The following C4orf33 variants were observed in gnomAD, a reference collection of about 807,000 sequenced individuals.
C4orf33 encodes the protein UPF0462 protein C4orf33.
Under a neutral mutation model 24.3 loss-of-function variants are expected in C4orf33, and 20 were observed. That is an observed-to-expected ratio of 0.82 (90% CI 0.58 to 1.19). The LOEUF (loss-of-function observed/expected upper bound fraction) is 1.19, where lower values mean the gene tolerates loss of function less well. Among genes scored for constraint, C4orf33 ranks in the 50% most tolerant of loss-of-function variants. The pLI, the probability that C4orf33 is intolerant of heterozygous loss-of-function variation, is 0.00. For missense variants in C4orf33, 207 were observed against 225.9 expected (o/e 0.92, Z 0.54); for synonymous variants, 67 against 76.4 (o/e 0.88, Z 0.64).
At position 129,109,514 on chromosome 4, in the gene C4orf33, A is replaced by C. The variant is rs879084754; in HGVS notation, c.336A>C (p.Thr112=). ...PLSFRMSRGE[T]KWEGKAYLPW... ...CGTTCAGAATGTCCAGAGGAGAGAC[A>C]AAATGGGAAGGCAAAGCTTATCTCC... Residue 112 remains threonine (T), a synonymous_variant, in exon 5 of 6, where the codon ACA becomes ACC. Coordinates refer to ENST00000425929, the MANE Select transcript of C4orf33 (RefSeq NM_001099783.2). The C allele has an allele frequency of 1.2e-6, 2 of 1,613,900 alleles. No homozygotes were observed. Among genetic ancestry groups the C allele is most frequent in the South Asian group, 1.1e-5 (1 of 91,072 alleles).
chr4:129,107,374 T>C (rs1753549804), intron 3 of C4orf33, among the ~76,000 whole-genome samples: 2 of 151,998 alleles, frequency 1.3e-5, no homozygotes, highest in African/African-American at 4.8e-5. Flanking sequence ...TTAAAATTAA[T>C]AAAGTATTTA....
At chr4:129,109,735 G>T (rs1580017430) in intron 5 of C4orf33, 63 bp downstream of exon 5, 2 of 1,350,026 alleles carry the variant, frequency 1.5e-6, no homozygotes, top group Non-Finnish European at 2.1e-6. Flanking sequence ...TTAATTCTTA[G>T]TGGAGCAGAA....
intron 1 of C4orf33, among the ~76,000 whole-genome samples, chr4:129,101,161 G>A (rs572509149): frequency 6.6e-5 from 10 of 152,130 alleles, no homozygotes; most frequent in African/African-American, 2.2e-4. Flanking sequence ...TAAAATTTGC[G>A]AGCATATAGT....
In C4orf33 at chr4:129,112,355, A is replaced by G. The variant is rs1468256077; in HGVS notation, c.*564A>G. 6.6e-6 allele frequency: 1 copy of G among 152,254 alleles called. No homozygotes were observed. The highest frequency in any genetic ancestry group is 1.5e-5 in the Non-Finnish European group (1 of 68,040). 9.4% of individuals were successfully genotyped at this position (152,254 alleles called of 1,614,324 possible). ...GAATCTCAAAAACATTAAGTTGAGC[A>G]AAACAAACCAAACATAACATACTAT... On this transcript the variant is annotated 3_prime_UTR_variant, in exon 6 of 6. Transcript: ENST00000425929.
Position 129,111,721 on chromosome 4 carries a change from A to G in C4orf33, c.530A>G (p.Asn177Ser). ...CLEYFKSFNF[N>S]TLLGEEWKQP... ...GAATACTTCAAGTCTTTCAATTTTA[A>G]CACACTGCTTGGAGAAGAGTGGAAA... The change falls in exon 6 of 6, where the codon AAC becomes AGC. Residue 177 changes from asparagine to serine, a missense_variant. Transcript: ENST00000425929. 1 of 1,612,856 alleles carries G rather than the reference A, an allele frequency of 6.2e-7. No homozygotes were observed. Among genetic ancestry groups the G allele is most frequent in the Non-Finnish European group, 8.5e-7 (1 of 1,179,166 alleles).
Position 129,114,450 on chromosome 4 carries a change from C to T in C4orf33, c.*2659C>T, listed in dbSNP as rs1035808583. 6.6e-6 allele frequency: 1 copy of T among 152,306 alleles called. No homozygotes were observed. The highest frequency in any genetic ancestry group is 1.5e-5 in the Non-Finnish European group (1 of 68,118). 9.4% of individuals were successfully genotyped at this position (152,306 alleles called of 1,614,324 possible). On this transcript the variant is annotated 3_prime_UTR_variant, in exon 6 of 6. Coordinates refer to ENST00000425929, the MANE Select transcript of C4orf33 (RefSeq NM_001099783.2). ...TGCATTATCTTTCCTTCATTTCCATCATTTTCTGTTTTGCTCTTCCTGGTA... is the reference window on the plus strand; with the variant it reads ...TGCATTATCTTTCCTTCATTTCCATTATTTTCTGTTTTGCTCTTCCTGGTA...
In C4orf33 at chr4:129,099,553, C is replaced by A. The variant is rs1214274200; in HGVS notation, c.-9-3049C>A. Among the ~76,000 whole-genome samples the A allele has an allele frequency of 3.3e-5, 5 of 152,194 alleles. No individual in the cohort carries two copies. The East Asian group carries it at 9.6e-4, about 29-fold the overall frequency. ...ATAAATAGTAACCATCACTTATAGG[C>A]ATTCTAGCTGGGTTCAGGGAGTCAA... On this transcript the variant is annotated intron_variant, in intron 1 of 5. Coordinates refer to ENST00000425929, the MANE Select transcript of C4orf33 (RefSeq NM_001099783.2).
chr4:129,097,341 A>G (rs1753237392), intron 1 of C4orf33, among the ~76,000 whole-genome samples: 2 of 152,342 alleles, frequency 1.3e-5, no homozygotes, highest in South Asian at 4.1e-4. Context: ...GCAGGCAGAT[A>G]ATTCCCTTCA....
chr4:129,098,551 A>C (rs546218292), intron 1 of C4orf33, among the ~76,000 whole-genome samples: 1 of 152,354 alleles, frequency 6.6e-6, no homozygotes, highest in East Asian at 1.9e-4. Flanking sequence ...TTTCTCTACT[A>C]ATGCAGGGAA....
chr4:129,102,858 T>G (rs1753402129), intron 2 of C4orf33, 67 bp downstream of exon 2: 1 of 1,409,556 alleles, frequency 7.1e-7, no homozygotes, highest in Non-Finnish European at 9.7e-7. Context: ...ACAGAACTAT[T>G]ATTTTATCTT....
intron 1 of C4orf33, among the ~76,000 whole-genome samples, chr4:129,098,207 C>T (rs1018158761): frequency 3.3e-5 from 5 of 151,818 alleles, no homozygotes; most frequent in Admixed American, 2.0e-4. Context: ...TATATATGTG[C>T]GGGTTTGTCA....
chr4:129,100,347 G>C (rs1457991246), intron 1 of C4orf33, among the ~76,000 whole-genome samples: 14 of 130,196 alleles, frequency 1.1e-4, no homozygotes, highest in Admixed American at 4.7e-4. Context: ...TTTTTTTTTG[G>C]CTCATCAGCT....
intron 5 of C4orf33, among the ~76,000 whole-genome samples, chr4:129,110,611 A>G (rs899697481): frequency 1.3e-4 from 20 of 152,160 alleles, no homozygotes; most frequent in African/African-American, 4.8e-4. Flanking sequence ...GCATTGCACT[A>G]TGGTAGATGG....
intron 2 of C4orf33, 96 bp downstream of exon 2, chr4:129,102,887 C>G (rs1753403429): frequency 2.7e-6 from 3 of 1,125,712 alleles, no homozygotes; most frequent in Non-Finnish European, 3.8e-6. Context: ...GAAGTAAGTG[C>G]TTCTGAGCAA....
At position 129,104,959 on chromosome 4, in the gene C4orf33, A is replaced by AGTGTGT. The variant is rs59872290; in HGVS notation, c.182-1608_182-1603dup. Among the ~76,000 whole-genome samples the AGTGTGT allele has an allele frequency of 4.8e-3, 720 of 149,254 alleles. 6 individuals carry two copies. Among genetic ancestry groups the AGTGTGT allele is most frequent in the African/African-American group, 0.017 (683 of 40,390 alleles). On this transcript the variant is annotated intron_variant, in intron 2 of 5. Coordinates refer to ENST00000425929, the MANE Select transcript of C4orf33 (RefSeq NM_001099783.2). ...AGCAGAAGATATATATGTGCATCTG[A>AGTGTGT]GTGTGTGTGTGTGTGTGTGTGTGTG...
At chr4:129,107,384 A>T (rs1753550123) in intron 3 of C4orf33, among the ~76,000 whole-genome samples, 1 of 152,002 alleles carries the variant, frequency 6.6e-6, no homozygotes, top group Admixed American at 6.5e-5. Flanking sequence ...TAAAGTATTT[A>T]ATAATGAAAT....
In C4orf33 at chr4:129,101,578, A is replaced by G. The variant is rs1307378733; in HGVS notation, c.-9-1024A>G. Among the ~76,000 whole-genome samples the G allele has an allele frequency of 7.9e-5, 12 of 152,136 alleles. No individual in the cohort carries two copies. The South Asian group carries it at 2.5e-3, about 32-fold the overall frequency. ...TTGTTGACATTGGTTTAATTTCTAG[A>G]TATGCTAGTCACGTGACCTTGGACA... On this transcript the variant is annotated intron_variant, in intron 1 of 5. Coordinates refer to ENST00000425929, the MANE Select transcript of C4orf33 (RefSeq NM_001099783.2).
Position 129,109,601 on chromosome 4 carries a change from A to C in C4orf33, c.423A>C (p.Lys141Asn). The change falls in exon 5 of 6, where the codon AAA becomes AAC. Residue 141 changes from lysine (K) to asparagine (N), a missense_variant. Transcript: ENST00000425929. Reference sequence around the variant, plus strand: ...ATTCATTTGCAATTCATGGATCAAAAGATAAACGAAGTTATGAAGCTCTTT... The same window carrying C: ...ATTCATTTGCAATTCATGGATCAAACGATAAACGAAGTTATGAAGCTCTTT... ...KFNSFAIHGS[K>N]DKRSYEALYP... is the part of the protein sequence containing the mutation. The C allele has an allele frequency of 6.2e-7, 1 of 1,614,120 alleles. No individual in the cohort carries two copies. Among genetic ancestry groups the C allele is most frequent in the Non-Finnish European group, 8.5e-7 (1 of 1,180,004 alleles).
rs1491199651 is a variant in C4orf33 at position 129,115,829 on chromosome 4, T to TATAA, written c.*4039_*4040insTAAA. 2.1e-5 allele frequency: 1 copy of TATAA among 47,684 alleles called. No individual in the cohort carries two copies. The highest frequency in any genetic ancestry group is 7.3e-4 in the East Asian group (1 of 1,362). 3.0% of individuals were successfully genotyped at this position (47,684 alleles called of 1,614,324 possible). A position where few individuals can be genotyped will look rare whatever the true frequency, so the allele number is the denominator to read the frequency against. ...ATATATATATATATATATATATATA[T>TATAA]AAAATATATATGTTTATATATAACA... On this transcript the variant is annotated 3_prime_UTR_variant, in exon 6 of 6. Coordinates refer to ENST00000425929, the MANE Select transcript of C4orf33 (RefSeq NM_001099783.2).
Sources: gnomAD v4.1 joint callset for allele counts (sites outside exome capture counted in the v4.1 genomes callset) on GRCh38, gnomAD v4.1.1 for gene constraint, MANE v1.5 for transcripts, NCBI Gene and HGNC (gene_info 2026-07-23, HGNC 2026-07-21) for gene names.